The following PLCE1 variants were observed in gnomAD, a reference collection of about 807,000 sequenced individuals.
PLCE1 encodes phospholipase C epsilon 1.
Under a neutral mutation model 242.8 loss-of-function variants are expected in PLCE1, and 119 were observed. The ratio of observed to expected loss-of-function variants is 0.49; its 90% CI spans 0.42 to 0.57. The LOEUF (loss-of-function observed/expected upper bound fraction) is 0.57. Among genes scored for constraint, PLCE1 ranks in the 20% least tolerant of loss-of-function variants. The probability of loss-of-function intolerance (pLI) is 0.00; values close to 1 mark genes in which losing one functional copy is unlikely to be tolerated. For synonymous variants in PLCE1, 945 were observed against 1,017.4 expected (o/e 0.93, Z 1.35); for missense variants, 2,441 against 2,788.8 (o/e 0.88, Z 2.81).
intron 4 of PLCE1, among the ~76,000 whole-genome samples, chr10:94,204,750 G>A (rs574055859): frequency 1.5e-4 from 11 of 73,254 alleles, no homozygotes; most frequent in African/African-American, 5.5e-4. Context: ...AAGGGAGGGA[G>A]GAAGGAAGGA....
In PLCE1 at chr10:94,055,688, G is replaced by A. The variant is rs556413633; in HGVS notation, c.1206+23436G>A. 2.0e-5 allele frequency among the ~76,000 whole-genome samples: 3 copies of A among 152,178 alleles called. No homozygotes were observed. In the East Asian group the frequency reaches 5.8e-4, roughly 29 times the overall value. On this transcript the variant is annotated intron_variant, in intron 2 of 32. Coordinates refer to ENST00000371380, the MANE Select transcript of PLCE1 (RefSeq NM_016341.4). ...CTGCCTCCTACTTGTTATAACCTTG[G>A]GCAGTGTACTTAATCTCTCTGATTC...
At position 94,011,779 on chromosome 10, in the gene PLCE1, T is replaced by C. The variant is rs78055169; in HGVS notation, c.-365+17521T>C. On this transcript the variant is annotated intron_variant, in intron 1 of 32. Transcript: ENST00000371380. ...GTTAGCCTCTTCCTTTTTTTTTCTA[T>C]GTGCATGGGATTGAGGCAGCTCCAG... Among the ~76,000 whole-genome samples the C allele has an allele frequency of 3.5e-4, 54 of 152,278 alleles. No homozygotes were observed. In the East Asian group the frequency reaches 9.1e-3, roughly 26 times the overall value.
intron 1 of PLCE1, among the ~76,000 whole-genome samples, chr10:93,995,989 TA>T (rs1474345659): frequency 2.6e-5 from 4 of 152,272 alleles, no homozygotes; most frequent in South Asian, 2.1e-4. Flanking sequence ...TGTAACTTTC[TA>T]AATGAATAAA....
At chr10:94,174,409 C>T (rs2048068751) in intron 4 of PLCE1, among the ~76,000 whole-genome samples, 1 of 152,108 alleles carries the variant, frequency 6.6e-6, no homozygotes, top group African/African-American at 2.4e-5. Flanking sequence ...GCAAGAACTA[C>T]TGATGAATTC....
rs1334727513 is a variant in PLCE1, at chr10:93,994,251, G to A, written c.-372G>A. Among the ~76,000 whole-genome samples the A allele has an allele frequency of 6.6e-6, 1 of 152,242 alleles. No individual in the cohort carries two copies. The highest frequency in any genetic ancestry group is 3.2e-3 in the Middle Eastern group (1 of 316). On this transcript the variant is annotated 5_prime_UTR_variant, in exon 1 of 33. Coordinates refer to ENST00000371380, the MANE Select transcript of PLCE1 (RefSeq NM_016341.4). ...GGGACGCCGGCGAGACTCGCCAGGA[G>A]CCAAGAGGTGAGGAAGCGACTCTGT... is the stretch of plus-strand genomic sequence containing the variant.
intron 22 of PLCE1, among the ~76,000 whole-genome samples, chr10:94,293,181 C>G (rs1425570138): frequency 2.0e-5 from 3 of 152,186 alleles, no homozygotes; most frequent in Non-Finnish European, 4.4e-5. Flanking sequence ...AAATAATTAG[C>G]CACTGATCAT....
At chr10:94,232,000 A>G (rs1159507851) in intron 5 of PLCE1, among the ~76,000 whole-genome samples, 1 of 152,234 alleles carries the variant, frequency 6.6e-6, no homozygotes, top group Non-Finnish European at 1.5e-5. Context: ...TACTATTTAC[A>G]TAAAGTTTAA....
At chr10:94,227,043 A>G (rs547844249) in intron 4 of PLCE1, 45 of 380,656 alleles carry the variant, frequency 1.2e-4, no homozygotes, top group African/African-American at 9.0e-4. Context: ...TGCCCAGCTA[A>G]TTTTTGTATT....
intron 2 of PLCE1, among the ~76,000 whole-genome samples, chr10:94,102,757 G>T (rs2045585236): frequency 6.6e-6 from 1 of 152,148 alleles, no homozygotes; most frequent in Non-Finnish European, 1.5e-5. Context: ...CTGGTGCCAC[G>T]ACGGGTCTTA....
At chr10:94,272,950 T>A (rs948245894) in intron 18 of PLCE1, among the ~76,000 whole-genome samples, 28 of 152,246 alleles carry the variant, frequency 1.8e-4, no homozygotes, top group African/African-American at 5.5e-4. Flanking sequence ...CCTGTAATCC[T>A]AGCACTTTGG....
intron 2 of PLCE1, among the ~76,000 whole-genome samples, chr10:94,037,857 T>C (rs1043360537): frequency 5.9e-5 from 9 of 152,180 alleles, no homozygotes; most frequent in African/African-American, 1.9e-4. Context: ...TGGATTCCAG[T>C]GTAAGGTAAA....
At chr10:94,287,405 C>T (rs971367402) in intron 22 of PLCE1, 1 of 149,852 alleles carries the variant, frequency 6.7e-6, no homozygotes, top group African/African-American at 2.5e-5. Flanking sequence ...AATTTTGCTA[C>T]ATTATCAATT....
chr10:94,009,574 A>G (rs542636276), intron 1 of PLCE1, among the ~76,000 whole-genome samples: 2 of 152,338 alleles, frequency 1.3e-5, no homozygotes, highest in East Asian at 3.9e-4. Flanking sequence ...AGTCTCATCT[A>G]AGACTCATTT....
At chr10:94,186,148 T>C (rs1432268547) in intron 4 of PLCE1, among the ~76,000 whole-genome samples, 1 of 152,236 alleles carries the variant, frequency 6.6e-6, no homozygotes, top group Non-Finnish European at 1.5e-5. Context: ...ATTCCCCATA[T>C]CTTCAGAACT....
chr10:94,256,372 A>T (rs2051102760), intron 11 of PLCE1, among the ~76,000 whole-genome samples: 1 of 133,658 alleles, frequency 7.5e-6, no homozygotes, highest in South Asian at 2.5e-4. Flanking sequence ...AAGAAACAGA[A>T]AATAGAAAGA....
At chr10:94,253,245 G>C (rs540139586) in intron 9 of PLCE1, among the ~76,000 whole-genome samples, 76 of 152,330 alleles carry the variant, frequency 5.0e-4, no homozygotes, top group African/African-American at 1.7e-3. Flanking sequence ...GCCAGCATCT[G>C]CTTCTGGTGA....
chr10:94,243,643 G>T (rs968405386), intron 7 of PLCE1, among the ~76,000 whole-genome samples: 1 of 152,156 alleles, frequency 6.6e-6, no homozygotes, highest in African/African-American at 2.4e-5. Context: ...ATTATCAGGT[G>T]ACTGAGCATA....
chr10:94,007,575 CTTTTTTTT>C (rs57779697), intron 1 of PLCE1, among the ~76,000 whole-genome samples: 2 of 107,268 alleles, frequency 1.9e-5, no homozygotes, highest in Admixed American at 9.7e-5. Context: ...TTCTCTCTCT[CTTTTTTTT>C]TTTTTTTTTT....
intron 1 of PLCE1, among the ~76,000 whole-genome samples, 108 bp from the exon 2 acceptor site, chr10:94,030,575 A>C (rs1271368625): frequency 1.3e-5 from 2 of 150,836 alleles, no homozygotes; most frequent in Non-Finnish European, 3.0e-5. Flanking sequence ...TTCTGATTGC[A>C]AAAAAAAACC....
Sources: gnomAD v4.1 joint callset for allele counts (sites outside exome capture counted in the v4.1 genomes callset) on GRCh38, gnomAD v4.1.1 for gene constraint, MANE v1.5 for transcripts, NCBI Gene and HGNC (gene_info 2026-07-23, HGNC 2026-07-21) for gene names.